Variants in CMTR1 observed in about 807,000 individuals in gnomAD.
CMTR1 encodes the protein cap-specific mRNA (nucleoside-2'-O-)-methyltransferase 1.
In CMTR1, 39 loss-of-function variants were observed where a neutral mutation model predicts 107.0. The ratio of observed to expected loss-of-function variants is 0.36; its 90% CI spans 0.28 to 0.48. CMTR1 has a LOEUF of 0.48. CMTR1 is among the 20% of genes least tolerant of loss of function. The pLI is 0.99. For synonymous variants in CMTR1, 366 were observed against 379.5 expected (o/e 0.96, Z 0.41); for missense variants, 672 against 1,064.9 (o/e 0.63, Z 5.14).
At chr6:37,441,787 T>G (rs946259536) in intron 2 of CMTR1, among the ~76,000 whole-genome samples, 2 of 152,184 alleles carry the variant, frequency 1.3e-5, no homozygotes, top group African/African-American at 4.8e-5. Flanking sequence ...AAAAGAAATA[T>G]CAGTTCACCT....
chr6:37,445,484 C>CTTTT (rs370310831), intron 3 of CMTR1, among the ~76,000 whole-genome samples: 49 of 109,170 alleles, frequency 4.5e-4, no homozygotes, highest in African/African-American at 1.8e-3. Context: ...CATACCTCAC[C>CTTTT]TTTTTTTTTT....
chr6:37,458,563 T>G lies in CMTR1; in HGVS notation c.778-49T>G. On this transcript the variant is annotated intron_variant, in intron 8 of 23. Transcript: ENST00000373451. The surrounding 1 kb of genome is among the most constrained non-coding windows in gnomAD (Gnocchi z 4.7). Reference sequence around the variant, plus strand: ...CTGCATTCTCCTTCCTGTTGCCCATTGAGCTGTCTTGTTTTCCTTCCTCTC... The same window carrying G: ...CTGCATTCTCCTTCCTGTTGCCCATGGAGCTGTCTTGTTTTCCTTCCTCTC... The G allele has an allele frequency of 2.1e-5, 33 of 1,579,522 alleles. No homozygotes were observed. The highest frequency in any genetic ancestry group is 2.7e-5 in the Non-Finnish European group (31 of 1,154,472).
chr6:37,463,191 C>T (rs1761437344), intron 13 of CMTR1, among the ~76,000 whole-genome samples, 183 bp downstream of exon 13: 1 of 152,172 alleles, frequency 6.6e-6, no homozygotes, highest in Non-Finnish European at 1.5e-5. Flanking sequence ...GACCCCCATC[C>T]TGCTGCCATG....
chr6:37,462,409 C>T (rs1003328753), intron 12 of CMTR1, among the ~76,000 whole-genome samples: 16 of 152,176 alleles, frequency 1.1e-4, no homozygotes, highest in African/African-American at 3.4e-4. Flanking sequence ...GGCAAGGAGC[C>T]GCTATCCAGA....
chr6:37,426,233 A>G, the CMTR1 span, among the ~76,000 whole-genome samples: 1 of 151,610 alleles, frequency 6.6e-6, no homozygotes, highest in Non-Finnish European at 1.5e-5. Flanking sequence ...GCATCTTAAG[A>G]CTTTTTTTTA....
intron 23 of CMTR1, 28 bp from the exon 24 acceptor site, chr6:37,479,980 TCCTGA>T: frequency 6.5e-7 from 1 of 1,543,546 alleles, no homozygotes; most frequent in Non-Finnish European, 8.7e-7. Flanking sequence ...CTGGGTGCAG[TCCTGA>T]CCTCTTTCCC....
chr6:37,479,887 G>C, intron 23 of CMTR1, 126 bp from the exon 24 acceptor site: 1 of 959,462 alleles, frequency 1.0e-6, no homozygotes, highest in Non-Finnish European at 1.5e-6. Context: ...GGTACCTTTT[G>C]CCTGCCGGGG....
intron 2 of CMTR1, among the ~76,000 whole-genome samples, chr6:37,438,380 A>G (rs1292995527): frequency 6.6e-6 from 1 of 152,106 alleles, no homozygotes; most frequent in African/African-American, 2.4e-5. Context: ...ACCCTATCTC[A>G]AAAAGAAAAA....
the CMTR1 span, among the ~76,000 whole-genome samples, chr6:37,424,853 G>A: frequency 5.9e-5 from 9 of 151,424 alleles, no homozygotes; most frequent in East Asian, 1.7e-3. Context: ...CACCCTGTGG[G>A]ACTTCCTTGA....
chr6:37,470,837 C>T (rs1761608373), intron 13 of CMTR1, among the ~76,000 whole-genome samples, 184 bp from the exon 14 acceptor site: 1 of 152,138 alleles, frequency 6.6e-6, no homozygotes. Flanking sequence ...TCCTGTTCTA[C>T]CCTCATCCTT....
In CMTR1 at chr6:37,480,882, T is replaced by G; in HGVS notation, c.*737T>G. The stretch of plus-strand genomic sequence containing the variant: ...TAGAGCCATCCTAGGTGCCATCCCC[T>G]TTTGGTCCAAACATTGGGCAGCGCT... On this transcript the variant is annotated 3_prime_UTR_variant, in exon 24 of 24. Coordinates refer to ENST00000373451, the MANE Select transcript of CMTR1 (RefSeq NM_015050.3). 8.4e-7 allele frequency: 1 copy of G among 1,196,214 alleles called. No individual in the cohort carries two copies. The highest frequency in any genetic ancestry group is 1.6e-5 in the South Asian group (1 of 64,446). The allele number at this position is 1,196,214 out of a possible 1,614,324, so 74.1% of individuals were successfully genotyped here.
At chr6:37,424,944 CTTTTTT>C in the CMTR1 span, among the ~76,000 whole-genome samples, 1 of 101,406 alleles carries the variant, frequency 9.9e-6, no homozygotes, top group African/African-American at 4.5e-5. Flanking sequence ...TTTTCCCTCA[CTTTTTT>C]TTTTTTTTTT....
intron 5 of CMTR1, 99 bp from the exon 6 acceptor site, chr6:37,451,707 C>T (rs1761175490): frequency 2.4e-6 from 2 of 820,516 alleles, no homozygotes; most frequent in African/African-American, 1.7e-5. Flanking sequence ...AGAACCAAGT[C>T]CCTTCTTGCT....
rs776029354 is a variant in CMTR1 at position 37,474,552 on chromosome 6, G to A, written c.1850G>A (p.Arg617His). Reference protein sequence around the residue: ...GKSQIYTWDGRQSDRWIKLDL... With the variant: ...GKSQIYTWDGHQSDRWIKLDL... The stretch of plus-strand genomic sequence containing the variant: ...TCCCAGATCTACACATGGGATGGCC[G>A]CCAGTCAGACCGCTGGATCAAGCTA... Residue 617 changes from arginine (R) to histidine (H), a missense_variant, in exon 18 of 24, where the codon CGC (arginine) becomes CAC (histidine). Transcript: ENST00000373451. 1.7e-5 allele frequency: 27 copies of A among 1,613,768 alleles called. No individual in the cohort carries two copies. The Admixed American group carries it at 2.5e-4, about 15-fold the overall frequency.
chr6:37,436,266 C>T (rs1053720407), intron 2 of CMTR1: 1 of 152,446 alleles, frequency 6.6e-6, no homozygotes, highest in Non-Finnish European at 1.5e-5. Flanking sequence ...GAAGATTTCA[C>T]TAATCTGGTT....
In CMTR1 at chr6:37,480,532, C is replaced by G; in HGVS notation, c.*387C>G. On this transcript the variant is annotated 3_prime_UTR_variant, in exon 24 of 24. Transcript: ENST00000373451. ...ACTTTTCTGAGTTCCATGCACTGCC[C>G]TGAGGGTAGCCATGCCCTTGCTTTG... 9.3e-7 allele frequency: 1 copy of G among 1,069,738 alleles called. No homozygotes were observed. Among genetic ancestry groups the G allele is most frequent in the Non-Finnish European group, 1.1e-6 (1 of 884,140 alleles). The allele number at this position is 1,069,738 out of a possible 1,614,324, so 66.3% of individuals were successfully genotyped here.
chr6:37,456,554 A>G (rs1194478619), intron 8 of CMTR1, among the ~76,000 whole-genome samples: 2 of 152,208 alleles, frequency 1.3e-5, no homozygotes, highest in African/African-American at 2.4e-5. Context: ...AAACATTAGT[A>G]TGTCTATTTC....
intron 2 of CMTR1, among the ~76,000 whole-genome samples, chr6:37,438,972 T>C (rs1000856577): frequency 5.3e-5 from 8 of 152,200 alleles, no homozygotes; most frequent in African/African-American, 1.9e-4. Context: ...AAAATGCTCT[T>C]TAGGGAGGAC....
chr6:37,434,173 G>C (rs1388528031), intron 1 of CMTR1, among the ~76,000 whole-genome samples: 3 of 152,032 alleles, frequency 2.0e-5, no homozygotes, highest in African/African-American at 7.3e-5. Context: ...TGTTTGCTCA[G>C]TGTCTCCGGT....
Sources: gnomAD v4.1 joint callset for allele counts (sites outside exome capture counted in the v4.1 genomes callset) on GRCh38, gnomAD v4.1.1 for gene constraint, Gnocchi (gnomAD v3.1) non-coding constraint, MANE v1.5 for transcripts, NCBI Gene and HGNC (gene_info 2026-07-23, HGNC 2026-07-21) for gene names.